The following DPP10 variants were observed in gnomAD, a reference collection of about 807,000 sequenced individuals.
The protein encoded by DPP10 is dipeptidyl peptidase like 10.
In DPP10, 33 loss-of-function variants were observed where a neutral mutation model predicts 120.9. The observed-to-expected ratio is 0.27, with a 90% confidence interval of 0.21 to 0.37. The LOEUF (loss-of-function observed/expected upper bound fraction) is 0.37. Among genes scored for constraint, DPP10 ranks in the 10% least tolerant of loss-of-function variants. The pLI is 1.00. For missense variants in DPP10, 816 were observed against 942.8 expected (o/e 0.87, Z 1.76); for synonymous variants, 337 against 326.1 (o/e 1.03, Z -0.36).
chr2:115,308,698 T>G (rs1419967068), intron 1 of DPP10, among the ~76,000 whole-genome samples: 10 of 26,324 alleles, frequency 3.8e-4, no homozygotes, highest in Non-Finnish European at 9.3e-4. Context: ...ATCCTGTTTT[T>G]TTTTTTTTTT....
Position 115,177,909 on chromosome 2 carries a change from G to T in DPP10, c.61-131330G>T, listed in dbSNP as rs1025619367. Among the ~76,000 whole-genome samples, 222 of 152,124 alleles carry T rather than the reference G, an allele frequency of 1.5e-3. 2 individuals are homozygous for T. The highest frequency in any genetic ancestry group is 1.7e-3 in the Non-Finnish European group (116 of 67,996). On this transcript the variant is annotated intron_variant, in intron 1 of 25. Coordinates refer to ENST00000410059, the MANE Select transcript of DPP10 (RefSeq NM_020868.6). ...CTCCTGAGTACCTGGGACTACAGGTGCCCGCCACCACGCCCGGCTAACTTT... is the reference window on the plus strand; with the variant it reads ...CTCCTGAGTACCTGGGACTACAGGTTCCCGCCACCACGCCCGGCTAACTTT...
intron 1 of DPP10, among the ~76,000 whole-genome samples, chr2:114,918,115 A>G (rs535531020): frequency 1.3e-5 from 2 of 152,286 alleles, no homozygotes; most frequent in East Asian, 1.9e-4. Flanking sequence ...CAAAAACCAA[A>G]CAATCTCATT....
chr2:115,425,749 A>G (rs375831025), intron 3 of DPP10, among the ~76,000 whole-genome samples: 2 of 152,174 alleles, frequency 1.3e-5, no homozygotes, highest in South Asian at 2.1e-4. Flanking sequence ...AGACTGGGAA[A>G]TTTATAAATA....
At chr2:115,759,885 C>T (rs1355162037) in intron 11 of DPP10, among the ~76,000 whole-genome samples, 1 of 152,006 alleles carries the variant, frequency 6.6e-6, no homozygotes, top group Admixed American at 6.6e-5. Context: ...TGGCGCATGC[C>T]TGTAATCCCA....
chr2:114,483,907 T>C (rs1413499076), intron 1 of DPP10, among the ~76,000 whole-genome samples: 1 of 152,198 alleles, frequency 6.6e-6, no homozygotes, highest in African/African-American at 2.4e-5. Flanking sequence ...AGCTGAGCGG[T>C]GGCACTGTCA....
intron 3 of DPP10, among the ~76,000 whole-genome samples, chr2:115,405,563 C>G (rs2068444806): frequency 6.6e-6 from 1 of 152,146 alleles, no homozygotes; most frequent in South Asian, 2.1e-4. Flanking sequence ...AGAAGACTCT[C>G]TGTGCTGACT....
At chr2:115,679,045 A>G (rs2090472963) in intron 5 of DPP10, among the ~76,000 whole-genome samples, 2 of 152,088 alleles carry the variant, frequency 1.3e-5, no homozygotes, top group Non-Finnish European at 2.9e-5. Flanking sequence ...TTTGCTTTTG[A>G]TTTTACAGGC....
intron 1 of DPP10, among the ~76,000 whole-genome samples, chr2:115,027,499 A>G (rs974024837): frequency 6.6e-6 from 1 of 152,162 alleles, no homozygotes; most frequent in African/African-American, 2.4e-5. Flanking sequence ...ATCATGGTGA[A>G]TTATCTTTTT....
chr2:115,462,252 C>T (rs2074032263), intron 3 of DPP10, among the ~76,000 whole-genome samples: 1 of 152,112 alleles, frequency 6.6e-6, no homozygotes, highest in Non-Finnish European at 1.5e-5. Flanking sequence ...TATTCCAGTC[C>T]CATCAGTCCA....
At chr2:114,933,216 A>C in intron 1 of DPP10, among the ~76,000 whole-genome samples, 1 of 152,208 alleles carries the variant, frequency 6.6e-6, no homozygotes, top group East Asian at 1.9e-4. Context: ...TACATAAATA[A>C]CTAGTTAGAA....
intron 1 of DPP10, among the ~76,000 whole-genome samples, chr2:114,455,972 A>G (rs1242472175): frequency 6.6e-6 from 1 of 152,130 alleles, no homozygotes; most frequent in Non-Finnish European, 1.5e-5. Context: ...GTTGCATCAC[A>G]CCACATGGCA....
intron 1 of DPP10, among the ~76,000 whole-genome samples, chr2:114,542,191 G>T (rs1466469302): frequency 6.6e-6 from 1 of 151,672 alleles, no homozygotes; most frequent in East Asian, 1.9e-4. Flanking sequence ...GGTATGACAG[G>T]CATGTGTCAC....
chr2:115,706,716 G>T (rs2092123020), intron 7 of DPP10, among the ~76,000 whole-genome samples: 1 of 151,878 alleles, frequency 6.6e-6, no homozygotes, highest in Non-Finnish European at 1.5e-5. Flanking sequence ...TAAGAAAAAT[G>T]ATAAGATTAT....
intron 1 of DPP10, among the ~76,000 whole-genome samples, chr2:114,748,229 C>T (rs924351702): frequency 7.9e-5 from 12 of 151,284 alleles, no homozygotes; most frequent in Admixed American, 5.3e-4. Flanking sequence ...TTGAGAAGTG[C>T]TAGTGTAGGG....
chr2:115,832,514 T>C (rs1689033656), intron 21 of DPP10, among the ~76,000 whole-genome samples: 1 of 152,166 alleles, frequency 6.6e-6, no homozygotes. Context: ...TTCTAATTTT[T>C]GCCAGTGTCG....
At chr2:114,959,767 G>A (rs1363226970) in intron 1 of DPP10, among the ~76,000 whole-genome samples, 1 of 152,130 alleles carries the variant, frequency 6.6e-6, no homozygotes, top group East Asian at 1.9e-4. Flanking sequence ...TGTTCTGTGG[G>A]ATATGCAGTT....
intron 1 of DPP10, among the ~76,000 whole-genome samples, chr2:115,028,107 C>A (rs1703595865): frequency 6.6e-6 from 1 of 151,972 alleles, no homozygotes; most frequent in Non-Finnish European, 1.5e-5. Flanking sequence ...TATTTTTCTG[C>A]TCCAATTTTT....
At chr2:115,475,404 G>A (rs1367303545) in intron 3 of DPP10, among the ~76,000 whole-genome samples, 2 of 152,216 alleles carry the variant, frequency 1.3e-5, no homozygotes, top group Non-Finnish European at 2.9e-5. Flanking sequence ...TGAGCCTTGA[G>A]AGCTCCTGCC....
Position 115,192,902 on chromosome 2 carries a change from ATAAAT to A in DPP10, c.61-116331_61-116327del, listed in dbSNP as rs966869289. On this transcript the variant is annotated intron_variant, in intron 1 of 25. Transcript: ENST00000410059. ...ATTTTAATTTATTTTAATTAATTAA[ATAAAT>A]TAAATCCTTTTACACGGAATTTCCT... Among the ~76,000 whole-genome samples the A allele has an allele frequency of 4.6e-5, 7 of 151,726 alleles. No individual in the cohort carries two copies. The East Asian group carries it at 5.8e-4, about 13-fold the overall frequency.
Sources: allele counts gnomAD v4.1 joint callset (sites outside exome capture counted in the v4.1 genomes callset), GRCh38; gene constraint gnomAD v4.1.1; transcripts MANE v1.5; gene names NCBI Gene and HGNC (gene_info 2026-07-23, HGNC 2026-07-21).